RFESD: variants seen among roughly 807,000 people sequenced by gnomAD.
The protein encoded by RFESD is Rieske domain-containing protein.
RFESD carries 16 observed loss-of-function variants against 24.4 expected under a neutral mutation model. The ratio of observed to expected loss-of-function variants is 0.66; its 90% confidence interval spans 0.44 to 1.00. The LOEUF is 1.00. Ranked by LOEUF, RFESD falls within the 50% of genes least tolerant of loss-of-function variation. The probability of loss-of-function intolerance (pLI) is 0.00; values close to 1 mark genes in which losing one functional copy is unlikely to be tolerated. For synonymous variants in RFESD, 59 were observed against 81.8 expected, an observed-to-expected ratio of 0.72 and a Z score of 1.50; for missense variants, 208 against 247.0, an observed-to-expected ratio of 0.84 and a Z score of 1.06.
rs1177188993 is a variant in RFESD at position 95,652,309 on chromosome 5, C to T, written c.38C>T (p.Ser13Phe). The T allele has an allele frequency of 6.4e-7, 1 of 1,551,046 alleles. No homozygotes were observed. Among genetic ancestry groups the T allele is most frequent in the Non-Finnish European group, 8.7e-7 (1 of 1,146,630 alleles). ...KCFRNCLRPS[S>F]LSTLPLQYGI... is the part of the protein sequence containing the mutation. ...TTCAGGAATTGTCTTAGACCTTCTT[C>T]CTTATCTACACTTCCTCTCCAAGTG... is the stretch of plus-strand genomic sequence containing the variant. The change falls in exon 2 of 6, where the codon TCC (serine) becomes TTC (phenylalanine). Residue 13 changes from serine to phenylalanine, a missense_variant. Transcript: ENST00000380005.
At position 95,654,150 on chromosome 5, in the gene RFESD, A is replaced by T; in HGVS notation, c.248A>T (p.Glu83Val). The T allele has an allele frequency of 6.2e-7, 1 of 1,612,536 alleles. No homozygotes were observed. Residue 83 changes from glutamate (E) to valine (V), a missense_variant, in exon 4 of 6, where the codon GAA (glutamate) becomes GTA (valine). Physicochemically the swap from Glu to Val is moderately radical, Grantham distance 121. Transcript: ENST00000380005. ...AGAGAAGATGACATTAAAAAATCTG[A>T]AAGAATGACAGCTGTTGTCCATGAT... ...VGREDDIKKS[E>V]RMTAVVHDRE...
intron 1 of RFESD, among the ~76,000 whole-genome samples, chr5:95,649,620 G>T (rs1750232755): frequency 1.3e-5 from 2 of 152,230 alleles, no homozygotes; most frequent in East Asian, 1.9e-4. Context: ...ATAATTTTTT[G>T]TCAGCCTGGT....
At position 95,652,123 on chromosome 5, in the gene RFESD, C is replaced by CT. The variant is rs1402810020; in HGVS notation, c.-135-5dup. On this transcript the variant is annotated splice_polypyrimidine_tract_variant and intron_variant, in intron 1 of 5. Coordinates refer to ENST00000380005, the MANE Select transcript of RFESD (RefSeq NM_001131066.2). ...GAATTTATGTGGCCTCATTGCCTGC[C>CT]TTTTTTTTTCCAGGTTACCACCTAT... 1,872 of 1,031,002 alleles carry CT rather than the reference C, an allele frequency of 1.8e-3. No individual in the cohort carries two copies. The highest frequency in any genetic ancestry group is 2.0e-3 in the South Asian group (79 of 38,930). 63.9% of individuals were successfully genotyped at this position (1,031,002 alleles called of 1,614,324 possible).
rs1176605939 is a variant in RFESD at position 95,657,163 on chromosome 5, G to T, written c.*854G>T. On this transcript the variant is annotated 3_prime_UTR_variant, in exon 6 of 6. Transcript: ENST00000380005. ...ACGTTTTAGAACTTTGTGAATGTAGGCACAACTAAGTGTCTCCTATAAATA... is the reference window on the plus strand; with the variant it reads ...ACGTTTTAGAACTTTGTGAATGTAGTCACAACTAAGTGTCTCCTATAAATA... The T allele has an allele frequency of 6.6e-6, 1 of 151,986 alleles. No homozygotes were observed. Among genetic ancestry groups the T allele is most frequent in the Non-Finnish European group, 1.5e-5 (1 of 67,968 alleles). The allele number at this position is 151,986 out of a possible 1,614,324, so 9.4% of individuals were successfully genotyped here.
Position 95,656,188 on chromosome 5 carries a change from G to A in RFESD, c.512G>A (p.Arg171Lys). 2 of 1,614,000 alleles carry A rather than the reference G, an allele frequency of 1.2e-6. No homozygotes were observed. Among genetic ancestry groups the A allele is most frequent in the South Asian group, 2.2e-5 (2 of 91,076 alleles). Residue 171 changes from arginine (R) to lysine (K), a missense_variant, in exon 6 of 6, where the codon AGG (arginine) becomes AAG (lysine). Transcript: ENST00000380005. ...TGGTGCTCCAAAGGAATAAAGCAAA[G>A]GATTCACACAGTGACAGTAGACAAC... is the stretch of plus-strand genomic sequence containing the variant. ...PKWCSKGIKQ[R>K]IHTVTVDNGN...
intron 3 of RFESD, 146 bp from the exon 4 acceptor site, chr5:95,653,915 G>A: frequency 1.7e-6 from 1 of 593,700 alleles, no homozygotes. Context: ...TAATAATCTA[G>A]TATTTATAAA....
chr5:95,654,033 G>T (rs368328294), intron 3 of RFESD, 28 bp from the exon 4 acceptor site: 13 of 1,595,122 alleles, frequency 8.1e-6, no homozygotes, highest in African/African-American at 1.3e-5. Flanking sequence ...AATACTTCTT[G>T]TAACTTTCCT....
rs1271306306 is a variant in RFESD at position 95,656,818 on chromosome 5, A to C, written c.*509A>C. On this transcript the variant is annotated 3_prime_UTR_variant, in exon 6 of 6. Transcript: ENST00000380005. Reference sequence around the variant, plus strand: ...TTATTTATACCTCTGTGGATTTGCTACCTCTCCTATTTGATTGTTATTTTT... The same window carrying C: ...TTATTTATACCTCTGTGGATTTGCTCCCTCTCCTATTTGATTGTTATTTTT... 6.5e-6 allele frequency: 1 copy of C among 152,742 alleles called. No individual in the cohort carries two copies. Among genetic ancestry groups the C allele is most frequent in the Non-Finnish European group, 1.5e-5 (1 of 68,560 alleles). The allele number at this position is 152,742 out of a possible 1,614,324, so 9.5% of individuals were successfully genotyped here.
intron 1 of RFESD, among the ~76,000 whole-genome samples, chr5:95,650,402 T>TCTACCTACACCTCAATTTTGGAGCC (rs1750261684): frequency 6.6e-6 from 1 of 152,186 alleles, no homozygotes. Context: ...CACATATCTC[T>TCTACCTACACCTCAATTTTGGAGCC]CTACCTACAC....
rs572693940 is a variant in RFESD, at chr5:95,653,159, T to C, written c.103T>C (p.Leu35=). ...FPKLLACLVH[L]HFGHFSSAVI... ...CAAGCTGTTGGCATGTCTAGTTCAT[T>C]TGCATTTTGGGCATTTCAGCTCAGC... is the stretch of plus-strand genomic sequence containing the variant. Residue 35 remains leucine, a synonymous_variant, in exon 3 of 6, where the codon TTG becomes CTG. Transcript: ENST00000380005. 1 of 1,551,768 alleles carries C rather than the reference T, an allele frequency of 6.4e-7. No individual in the cohort carries two copies. The highest frequency in any genetic ancestry group is 2.4e-5 in the East Asian group (1 of 40,928).
intron 3 of RFESD, among the ~76,000 whole-genome samples, chr5:95,653,531 T>C (rs1000616537): frequency 1.3e-5 from 2 of 152,254 alleles, no homozygotes; most frequent in East Asian, 3.8e-4. Flanking sequence ...TAGCCTCAGA[T>C]TGAGGAATCC....
intron 1 of RFESD, among the ~76,000 whole-genome samples, chr5:95,650,268 G>A (rs1021273990): frequency 8.5e-5 from 13 of 152,140 alleles, no homozygotes; most frequent in African/African-American, 2.9e-4. Flanking sequence ...AAACTTCAGA[G>A]TACAAATTTG....
At position 95,656,491 on chromosome 5, in the gene RFESD, A is replaced by G; in HGVS notation, c.*182A>G. 1 of 549,556 alleles carries G rather than the reference A, an allele frequency of 1.8e-6. No individual in the cohort carries two copies. The highest frequency in any genetic ancestry group is 3.2e-6 in the Non-Finnish European group (1 of 313,486). The allele number at this position is 549,556 out of a possible 1,614,324, so 34.0% of individuals were successfully genotyped here. On this transcript the variant is annotated 3_prime_UTR_variant, in exon 6 of 6. Transcript: ENST00000380005. ...TGATGTAAGGATTATCATCAGGATC[A>G]ATAGAATACATTTTATCGAATCTTC...
intron 1 of RFESD, among the ~76,000 whole-genome samples, chr5:95,651,421 G>T (rs750591658): frequency 6.6e-6 from 1 of 152,028 alleles, no homozygotes; most frequent in Non-Finnish European, 1.5e-5. Flanking sequence ...TAGAGACAGG[G>T]TCTCACTCTG....
intron 1 of RFESD, among the ~76,000 whole-genome samples, chr5:95,650,167 T>G (rs945494163): frequency 1.2e-4 from 19 of 152,220 alleles, no homozygotes; most frequent in African/African-American, 4.3e-4. Context: ...AAACTTTTGC[T>G]TTTTTATTGT....
chr5:95,647,259 T>A (rs548874902), intron 1 of RFESD: 1 of 152,346 alleles, frequency 6.6e-6, no homozygotes, highest in Admixed American at 6.5e-5. Context: ...ACCGAAATGT[T>A]AAACACAACT....
At chr5:95,654,637 C>A (rs1361163182) in intron 5 of RFESD, among the ~76,000 whole-genome samples, 2 of 151,978 alleles carry the variant, frequency 1.3e-5, no homozygotes. Flanking sequence ...TGAAGGCAAC[C>A]TAAATGTTTT....
chr5:95,653,994 A>G lies in RFESD; in HGVS notation c.159-67A>G. On this transcript the variant is annotated intron_variant, in intron 3 of 5. Coordinates refer to ENST00000380005, the MANE Select transcript of RFESD (RefSeq NM_001131066.2). ...GTCCGAACTATTCATTCTTAGGGTT[A>G]TCTCCATTAAGCTGGAACCAAATTA... 7.6e-6 allele frequency: 10 copies of G among 1,320,996 alleles called. No homozygotes were observed. In the South Asian group the frequency reaches 9.6e-5, roughly 13 times the overall value. The allele number at this position is 1,320,996 out of a possible 1,614,324, so 81.8% of individuals were successfully genotyped here.
chr5:95,652,837 T>C, intron 2 of RFESD: 3 of 382,766 alleles, frequency 7.8e-6, no homozygotes, highest in East Asian at 4.9e-5. Flanking sequence ...ACCTTTTTCA[T>C]GGACCCCTAG....
Sources: allele counts gnomAD v4.1 joint callset (sites outside exome capture counted in the v4.1 genomes callset), GRCh38; gene constraint gnomAD v4.1.1; transcripts MANE v1.5; gene names NCBI Gene and HGNC (gene_info 2026-07-23, HGNC 2026-07-21).